SIPA1L1: variants seen among roughly 807,000 people sequenced by gnomAD.
The protein encoded by SIPA1L1 is signal-induced proliferation-associated 1-like protein 1.
In SIPA1L1, 26 loss-of-function variants were observed where a neutral mutation model predicts 162.7. The ratio of observed to expected loss-of-function variants is 0.16; its 90% CI spans 0.12 to 0.22. SIPA1L1 has a LOEUF of 0.22. Ranked by LOEUF, SIPA1L1 falls within the 10% of genes least tolerant of loss-of-function variation. The pLI is 1.00. For synonymous variants in SIPA1L1, 829 were observed against 837.4 expected, an observed-to-expected ratio of 0.99 and a Z score of 0.17; for missense variants, 1,874 against 2,241.0, an observed-to-expected ratio of 0.84 and a Z score of 3.31.
In SIPA1L1 at chr14:71,685,631, G is replaced by A. The variant is rs770442815; in HGVS notation, c.3374G>A (p.Arg1125Gln). The A allele has an allele frequency of 2.0e-5, 32 of 1,613,684 alleles. No homozygotes were observed. The highest frequency in any genetic ancestry group is 1.6e-4 in the Middle Eastern group (1 of 6,066). ...ISSDGRPLER[R>Q]LSPGSDIYVT... Reference sequence around the variant, plus strand: ...AGTGACGGGCGCCCACTAGAGAGGCGGTAAGTGTGCCTTCAAAGGTTTGCT... The same window carrying A: ...AGTGACGGGCGCCCACTAGAGAGGCAGTAAGTGTGCCTTCAAAGGTTTGCT... The change falls in exon 13 of 24, where the codon CGG (arginine) becomes CAG (glutamine). Residue 1125 changes from arginine to glutamine, a missense_variant and splice_region_variant. Arg to Gln is a conservative substitution (Grantham distance 43, BLOSUM62 1). Transcript: ENST00000381232.
rs543881945 is a variant in SIPA1L1 at position 71,412,460 on chromosome 14, T to C, written c.-465+91279T>C. Among the ~76,000 whole-genome samples, 3 of 152,282 alleles carry C rather than the reference T, an allele frequency of 2.0e-5. 1 individual carries two copies. Among genetic ancestry groups the C allele is most frequent in the Admixed American group, 2.0e-4 (3 of 15,296 alleles). ...CGGTTTTCTTCTGATATTTGTACGA[T>C]TTGGTTATGGTAGTGTAGGAAAGGC... On this transcript the variant is annotated intron_variant, in intron 2 of 23. Transcript: ENST00000381232.
intron 2 of SIPA1L1, among the ~76,000 whole-genome samples, chr14:71,333,650 A>G (rs2034791678): frequency 6.6e-6 from 1 of 152,208 alleles, no homozygotes; most frequent in Non-Finnish European, 1.5e-5. Flanking sequence ...CAGCAGTATC[A>G]TTATGCATTT....
At chr14:71,569,831 G>T (rs1478567722) in intron 4 of SIPA1L1, among the ~76,000 whole-genome samples, 1 of 152,162 alleles carries the variant, frequency 6.6e-6, no homozygotes, top group Non-Finnish European at 1.5e-5. Context: ...GTGCAGCATT[G>T]GCACTGCTTC....
chr14:71,461,085 A>G (rs1567053625), intron 2 of SIPA1L1, among the ~76,000 whole-genome samples: 1 of 152,232 alleles, frequency 6.6e-6, no homozygotes, highest in South Asian at 2.1e-4. Flanking sequence ...GTCTACAGAT[A>G]GTAGTCTTGG....
rs149740472 is a variant in SIPA1L1, at chr14:71,711,730, G to A, written c.4208+2066G>A. On this transcript the variant is annotated intron_variant, in intron 17 of 23. Transcript: ENST00000381232. ...TTTGCATTATCTGAATGTGCTGACTGGAGCTGCCTGAAGGCCTCAAAGGAT... is the reference window on the plus strand; with the variant it reads ...TTTGCATTATCTGAATGTGCTGACTAGAGCTGCCTGAAGGCCTCAAAGGAT... Among the ~76,000 whole-genome samples the A allele has an allele frequency of 2.5e-3, 382 of 152,310 alleles. 2 individuals carry two copies. The highest frequency in any genetic ancestry group is 8.7e-3 in the African/African-American group (362 of 41,580).
At chr14:71,356,645 G>A (rs917912416) in intron 2 of SIPA1L1, among the ~76,000 whole-genome samples, 1 of 150,298 alleles carries the variant, frequency 6.7e-6, no homozygotes, top group South Asian at 2.1e-4. Flanking sequence ...CTTGAGCCCA[G>A]TTCAAGGCTG....
chr14:71,447,465 C>T (rs1306628860), intron 2 of SIPA1L1, among the ~76,000 whole-genome samples: 1 of 151,964 alleles, frequency 6.6e-6, no homozygotes, highest in Non-Finnish European at 1.5e-5. Context: ...GATTATTCTG[C>T]CAGTGCAAAA....
intron 2 of SIPA1L1, among the ~76,000 whole-genome samples, chr14:71,372,785 T>G (rs2039011623): frequency 6.6e-6 from 1 of 152,158 alleles, no homozygotes; most frequent in Non-Finnish European, 1.5e-5. Context: ...AGTTGCATAA[T>G]CACAGATTAT....
At chr14:71,524,975 C>G (rs771381655) in intron 3 of SIPA1L1, among the ~76,000 whole-genome samples, 1 of 152,000 alleles carries the variant, frequency 6.6e-6, no homozygotes, top group Non-Finnish European at 1.5e-5. Flanking sequence ...TTTTCACTTG[C>G]CTTTTACTCT....
chr14:71,708,520 T>G (rs147831176), intron 16 of SIPA1L1, among the ~76,000 whole-genome samples: 1 of 152,268 alleles, frequency 6.6e-6, no homozygotes, highest in Non-Finnish European at 1.5e-5. Context: ...AAATGGGGTT[T>G]TGCTGTGTTA....
At chr14:71,628,872 C>T (rs946599999) in intron 7 of SIPA1L1, among the ~76,000 whole-genome samples, 5 of 152,074 alleles carry the variant, frequency 3.3e-5, no homozygotes, top group Non-Finnish European at 5.9e-5. Flanking sequence ...GCACACAGTG[C>T]GTTCATGAGG....
At chr14:71,451,161 C>T (rs1321361747) in intron 2 of SIPA1L1, among the ~76,000 whole-genome samples, 1 of 151,892 alleles carries the variant, frequency 6.6e-6, no homozygotes, top group Non-Finnish European at 1.5e-5. Flanking sequence ...AGAAAGACTG[C>T]ATGATCTCCC....
At chr14:71,443,498 A>G (rs1389408113) in intron 2 of SIPA1L1, among the ~76,000 whole-genome samples, 2 of 152,180 alleles carry the variant, frequency 1.3e-5, no homozygotes, top group Admixed American at 1.3e-4. Flanking sequence ...TGGTTTTCAA[A>G]TGGAAGCCAC....
intron 5 of SIPA1L1, among the ~76,000 whole-genome samples, chr14:71,590,110 C>CACACATATATAT (rs1445560251): frequency 1.5e-3 from 204 of 139,990 alleles, no homozygotes; most frequent in Non-Finnish European, 2.6e-3. Flanking sequence ...CACATATATA[C>CACACATATATAT]ACACATATAT....
intron 4 of SIPA1L1, among the ~76,000 whole-genome samples, chr14:71,548,795 G>A (rs2055491911): frequency 6.6e-6 from 1 of 151,402 alleles, no homozygotes; most frequent in Non-Finnish European, 1.5e-5. Context: ...CTGCTTTGGA[G>A]GCTGAGGCAC....
chr14:71,437,449 C>A (rs1380840132), intron 2 of SIPA1L1, among the ~76,000 whole-genome samples: 1 of 152,186 alleles, frequency 6.6e-6, no homozygotes, highest in African/African-American at 2.4e-5. Flanking sequence ...CTTGTTGCAA[C>A]CTCTGCCTCT....
chr14:71,430,069 C>T (rs1200796213), intron 2 of SIPA1L1, among the ~76,000 whole-genome samples: 1 of 152,146 alleles, frequency 6.6e-6, no homozygotes, highest in East Asian at 1.9e-4. Flanking sequence ...AATCTGTGTT[C>T]TAATGGCTGA....
At chr14:71,512,895 T>G (rs1045833496) in intron 3 of SIPA1L1, 50 bp downstream of exon 3, 1 of 152,218 alleles carries the variant, frequency 6.6e-6, no homozygotes, top group Non-Finnish European at 1.5e-5. Flanking sequence ...GACACTCCTT[T>G]CTGTTTATTC....
At chr14:71,690,905 G>C (rs974526988) in intron 13 of SIPA1L1, among the ~76,000 whole-genome samples, 6 of 152,202 alleles carry the variant, frequency 3.9e-5, no homozygotes, top group Admixed American at 3.3e-4. Context: ...TGAAAGGCAT[G>C]AAAGTGTCTC....
Sources: gnomAD v4.1 joint callset for allele counts (sites outside exome capture counted in the v4.1 genomes callset) on GRCh38, gnomAD v4.1.1 for gene constraint, MANE v1.5 for transcripts, NCBI Gene and HGNC (gene_info 2026-07-23, HGNC 2026-07-21) for gene names.